Variants in PLXNA2 observed in about 807,000 individuals in gnomAD.
PLXNA2 encodes plexin-A2.
PLXNA2 carries 91 observed loss-of-function variants against 193.5 expected under a neutral mutation model. The ratio of observed to expected loss-of-function variants is 0.47; its 90% CI spans 0.40 to 0.56. The LOEUF is 0.56. Among genes scored for constraint, PLXNA2 ranks in the 20% least tolerant of loss-of-function variants. The pLI, the probability that PLXNA2 is intolerant of heterozygous loss-of-function variation, is 0.00. For synonymous variants in PLXNA2, 997 were observed against 1,027.3 expected, an observed-to-expected ratio of 0.97 and a Z score of 0.56; for missense variants, 1,995 against 2,503.2, an observed-to-expected ratio of 0.80 and a Z score of 4.33.
intron 2 of PLXNA2, 101 bp downstream of exon 2, chr1:208,216,634 G>C: frequency 4.4e-6 from 6 of 1,364,860 alleles, no homozygotes; most frequent in Non-Finnish European, 5.9e-6. Flanking sequence ...TTTCATTTCA[G>C]GTCCATGGTG....
In PLXNA2 at chr1:208,216,415, C is replaced by T. The variant is rs184916432; in HGVS notation, c.1188+320G>A. 1.5e-3 allele frequency among the ~76,000 whole-genome samples: 235 copies of T among 152,296 alleles called. 1 individual carries two copies. The highest frequency in any genetic ancestry group is 4.8e-3 in the South Asian group (23 of 4,830). The stretch of plus-strand genomic sequence containing the variant: ...GTGTTCATTTGTCTCACCCAACTAG[C>T]GTGTAATCTCCATGAGGGCAGTGAG... On this transcript the variant is annotated intron_variant, in intron 2 of 31. Transcript: ENST00000367033.
At chr1:208,057,839 A>G (rs938593210) in intron 13 of PLXNA2, among the ~76,000 whole-genome samples, 1 of 152,174 alleles carries the variant, frequency 6.6e-6, no homozygotes, top group Non-Finnish European at 1.5e-5. Flanking sequence ...AATCTTTACA[A>G]TGGGAGCTGC....
intron 3 of PLXNA2, among the ~76,000 whole-genome samples, chr1:208,165,455 C>T (rs1371403311): frequency 1.3e-5 from 2 of 152,200 alleles, no homozygotes; most frequent in Non-Finnish European, 2.9e-5. Context: ...CAAAGTCACA[C>T]ATCTAGGAAG....
chr1:208,188,330 G>A (rs1670070489), intron 3 of PLXNA2, among the ~76,000 whole-genome samples: 1 of 152,194 alleles, frequency 6.6e-6, no homozygotes, highest in Non-Finnish European at 1.5e-5. Context: ...CATGGAGGCT[G>A]TGAACTTTGA....
Position 208,138,593 on chromosome 1 carries a change from A to G in PLXNA2, c.1506+3736T>C, listed in dbSNP as rs78649905. On this transcript the variant is annotated intron_variant, in intron 4 of 31. Transcript: ENST00000367033. ...TGGCCTCATAAATCTCTCCTTAAGA[A>G]CATTATGCTGACCGGGCGCAGTGGC... 6.4e-3 allele frequency among the ~76,000 whole-genome samples: 980 copies of G among 152,372 alleles called. 9 individuals are homozygous for G. Among genetic ancestry groups the G allele is most frequent in the African/African-American group, 0.018 (765 of 41,588 alleles).
At chr1:208,208,142 T>C (rs1670798702) in intron 3 of PLXNA2, among the ~76,000 whole-genome samples, 1 of 152,256 alleles carries the variant, frequency 6.6e-6, no homozygotes, top group South Asian at 2.1e-4. Context: ...CCTTTGTATC[T>C]GGTTGGGTCC....
chr1:208,035,027 C>G (rs1219624784), intron 26 of PLXNA2, among the ~76,000 whole-genome samples: 1 of 151,918 alleles, frequency 6.6e-6, no homozygotes, highest in East Asian at 1.9e-4. Context: ...TTTATTTTTA[C>G]CTTTTTAATG....
chr1:208,195,527 C>A (rs140345937), intron 3 of PLXNA2, among the ~76,000 whole-genome samples: 308 of 152,292 alleles, frequency 2.0e-3, no homozygotes, highest in African/African-American at 6.4e-3. Flanking sequence ...TGGTTTATCT[C>A]CCATTGTTTA....
intron 3 of PLXNA2, among the ~76,000 whole-genome samples, chr1:208,160,851 C>T (rs1030387330): frequency 2.6e-5 from 4 of 152,240 alleles, no homozygotes; most frequent in African/African-American, 7.2e-5. Context: ...GACTTTTACA[C>T]GTCCCCATCT....
intron 3 of PLXNA2, among the ~76,000 whole-genome samples, chr1:208,176,553 A>G (rs1230546019): frequency 6.6e-6 from 1 of 152,224 alleles, no homozygotes; most frequent in Non-Finnish European, 1.5e-5. Flanking sequence ...ACAGTGAGAA[A>G]CAGACAGTAA....
chr1:208,206,953 A>C, intron 3 of PLXNA2, among the ~76,000 whole-genome samples: 1 of 151,758 alleles, frequency 6.6e-6, no homozygotes, highest in South Asian at 2.1e-4. Flanking sequence ...TAGTACCGAC[A>C]GGGTTTCACC....
chr1:208,169,237 G>A (rs1332870804), intron 3 of PLXNA2, among the ~76,000 whole-genome samples: 5 of 152,184 alleles, frequency 3.3e-5, no homozygotes, highest in African/African-American at 1.2e-4. Flanking sequence ...TCAAGGGCAG[G>A]CAGGAGGTGA....
At chr1:208,032,337 G>A (rs1386495608) in intron 28 of PLXNA2, among the ~76,000 whole-genome samples, 1 of 152,204 alleles carries the variant, frequency 6.6e-6, no homozygotes, top group Non-Finnish European at 1.5e-5. Flanking sequence ...GAATAAGACT[G>A]GGCCTGGCTC....
intron 3 of PLXNA2, among the ~76,000 whole-genome samples, chr1:208,181,620 G>A (rs937573703): frequency 6.6e-6 from 1 of 152,186 alleles, no homozygotes; most frequent in Admixed American, 6.5e-5. Flanking sequence ...GGGATCACTA[G>A]CAAGAAAGGT....
chr1:208,099,043 G>A (rs41283126), intron 5 of PLXNA2, 74 bp from the exon 6 acceptor site: 33,683 of 1,567,976 alleles, frequency 0.021, 524 homozygotes, highest in Admixed American at 0.067. Flanking sequence ...CCCCTGGGCA[G>A]GATGGGAGTT....
intron 1 of PLXNA2, among the ~76,000 whole-genome samples, chr1:208,225,852 A>G (rs1490618994): frequency 6.6e-6 from 1 of 152,206 alleles, no homozygotes; most frequent in African/African-American, 2.4e-5. Context: ...AACTCTGCCC[A>G]CATCCTCATC....
At chr1:208,046,962 T>C (rs1007391400) in intron 17 of PLXNA2, among the ~76,000 whole-genome samples, 16 of 152,076 alleles carry the variant, frequency 1.1e-4, no homozygotes, top group African/African-American at 2.9e-4. Flanking sequence ...TAAATGTTTT[T>C]TGTTTTTTTG....
chr1:208,076,220 A>G (rs536587206), intron 12 of PLXNA2, among the ~76,000 whole-genome samples: 1 of 151,960 alleles, frequency 6.6e-6, no homozygotes. Flanking sequence ...GGCATGCACC[A>G]CTACACCCAG....
intron 13 of PLXNA2, 100 bp downstream of exon 13, chr1:208,060,586 G>A: frequency 1.6e-6 from 2 of 1,226,126 alleles, no homozygotes; most frequent in Non-Finnish European, 2.3e-6. Flanking sequence ...GAATGTAATG[G>A]GAGATCAATC....
Sources: allele counts gnomAD v4.1 joint callset (sites outside exome capture counted in the v4.1 genomes callset), GRCh38; gene constraint gnomAD v4.1.1; transcripts MANE v1.5; gene names NCBI Gene and HGNC (gene_info 2026-07-23, HGNC 2026-07-21).